Variants in COL2A1 observed in about 807,000 individuals in gnomAD.
The protein encoded by COL2A1 is collagen type II alpha 1 chain.
Under a neutral mutation model 204.5 loss-of-function variants are expected in COL2A1, and 28 were observed. The ratio of observed to expected loss-of-function variants is 0.14; its 90% CI spans 0.10 to 0.19. The LOEUF (loss-of-function observed/expected upper bound fraction) is 0.19. Among genes scored for constraint, COL2A1 ranks in the 10% least tolerant of loss-of-function variants. The pLI, the probability that COL2A1 is intolerant of heterozygous loss-of-function variation, is 1.00. For missense variants in COL2A1, 1,388 were observed against 2,027.5 expected (o/e 0.68, Z 6.06); for synonymous variants, 708 against 718.7 (o/e 0.99, Z 0.24).
Position 47,978,651 on chromosome 12 carries a change from T to G in COL2A1, c.2841A>C (p.Gln947His), listed in dbSNP as rs750729151. ...PPGRAGEPGL[Q>H]GPAGPPGEKG... ...TCTCGCCAGGGGGTCCAGCAGGACC[T>G]TGGAGGCCGGGTTCACCAGCTCGGC... is the stretch of plus-strand genomic sequence containing the variant. The change falls in exon 42 of 54, where the codon CAA becomes CAC. Residue 947 changes from glutamine to histidine, a missense_variant. By Grantham distance (24) the Gln-to-His change is conservative. Coordinates refer to ENST00000380518, the MANE Select transcript of COL2A1 (RefSeq NM_001844.5). This position sits in a 1 kb window ranked among gnomAD's most constrained non-coding sequence, Gnocchi z 5.5. The G allele has an allele frequency of 4.3e-6, 7 of 1,613,312 alleles. No individual in the cohort carries two copies. In the Admixed American group the frequency reaches 1.2e-4, roughly 27 times the overall value.
Position 47,997,968 on chromosome 12 carries a change from C to A in COL2A1, c.376-44G>T. On this transcript the variant is annotated intron_variant, in intron 5 of 53. Transcript: ENST00000380518. ...GTAAGATGACAGCAAGGCCAGGAGC[C>A]TGCAGATCAGTAACTTGCGCGCAGC... is the stretch of plus-strand genomic sequence containing the variant. 6 of 1,614,178 alleles carry A rather than the reference C, an allele frequency of 3.7e-6. No homozygotes were observed. In the South Asian group the frequency reaches 6.6e-5, roughly 18 times the overall value.
At chr12:47,981,939 A>T in intron 35 of COL2A1, 110 bp from the exon 36 acceptor site, 3 of 1,320,268 alleles carry the variant, frequency 2.3e-6, no homozygotes, top group East Asian at 4.7e-5. Flanking sequence ...CAGAGCTCCC[A>T]CTTACCCTCT....
rs1001679478 is a variant in COL2A1 at position 47,973,270 on chromosome 12, C to G, written c.*137G>C. ...CTTAGAAAGAGAGGGGAGAAAAGTC[C>G]GAACTGTGAGAGGGTGGGATGAATG... On this transcript the variant is annotated 3_prime_UTR_variant, in exon 54 of 54. Transcript: ENST00000380518. 2 of 1,161,024 alleles carry G rather than the reference C, an allele frequency of 1.7e-6. No individual in the cohort carries two copies. Among genetic ancestry groups the G allele is most frequent in the Admixed American group, 3.4e-5 (2 of 58,338 alleles). 71.9% of individuals were successfully genotyped at this position (1,161,024 alleles called of 1,614,324 possible).
Position 47,975,363 on chromosome 12 carries a change from A to G in COL2A1, c.3840T>C (p.Ala1280=). 6.2e-7 allele frequency: 1 copy of G among 1,614,144 alleles called. No homozygotes were observed. The highest frequency in any genetic ancestry group is 8.5e-7 in the Non-Finnish European group (1 of 1,180,042). The part of the protein sequence containing the change: ...RSPEGSRKNP[A]RTCRDLKLCH... ...AGAGTTTCAGGTCTCTGCAGGTGCG[A>G]GCAGGGTTCTTGCGGGAGCCCTCGG... The change falls in exon 51 of 54, where the codon GCT becomes GCC. Residue 1280 remains alanine, a synonymous_variant. Transcript: ENST00000380518.
chr12:47,981,444 C>A, intron 36 of COL2A1, 48 bp from the exon 37 acceptor site: 2 of 1,559,726 alleles, frequency 1.3e-6, no homozygotes, highest in Admixed American at 1.8e-5. Flanking sequence ...GGTGGGGAGG[C>A]AGAGTGGGAG....
chr12:47,975,677 G>C (rs1024090633), intron 50 of COL2A1, 72 bp from the exon 51 acceptor site: 2 of 1,513,172 alleles, frequency 1.3e-6, no homozygotes, highest in Non-Finnish European at 1.8e-6. Flanking sequence ...CCATTTGCTA[G>C]AATGTACTAG....
In COL2A1 at chr12:47,982,952, G is replaced by C. The variant is rs1283502420; in HGVS notation, c.2095-6C>G. The stretch of plus-strand genomic sequence containing the variant: ...CCTGGGAAACCTCGTTCACCCTGCG[G>C]CAGAGACACCAAGAAGTGATCAACC... On this transcript the variant is annotated splice_polypyrimidine_tract_variant and splice_region_variant and intron_variant, in intron 32 of 53. Transcript: ENST00000380518. The C allele has an allele frequency of 6.2e-7, 1 of 1,613,574 alleles. No individual in the cohort carries two copies. Among genetic ancestry groups the C allele is most frequent in the Admixed American group, 1.7e-5 (1 of 60,016 alleles).
rs1278035992 is a variant in COL2A1, at chr12:47,983,815, G to T, written c.1942-79C>A. On this transcript the variant is annotated intron_variant, in intron 29 of 53. Transcript: ENST00000380518. ...CCACAGCTAGTAGGGCCCAGGGGAG[G>T]TCAGCAGGGTGGGCAGCACAGGCGT... 3 of 1,456,618 alleles carry T rather than the reference G, an allele frequency of 2.1e-6. No homozygotes were observed. In the African/African-American group the frequency reaches 4.2e-5, roughly 20 times the overall value. The allele number at this position is 1,456,618 out of a possible 1,614,324, so 90.2% of individuals were successfully genotyped here. A position where few individuals can be genotyped will look rare whatever the true frequency, so the allele number is the denominator to read the frequency against.
At chr12:47,993,374 A>G (rs1283287155) in intron 15 of COL2A1, 84 bp downstream of exon 15, 6 of 1,048,798 alleles carry the variant, frequency 5.7e-6, no homozygotes, top group Non-Finnish European at 7.5e-6. Context: ...CAGAATATGA[A>G]CTTTGCACAA....
chr12:47,977,513 G>A, intron 45 of COL2A1, 86 bp from the exon 46 acceptor site: 1 of 1,593,444 alleles, frequency 6.3e-7, no homozygotes, highest in East Asian at 2.2e-5. Flanking sequence ...GATGAGACTT[G>A]TTCCAACCTG....
chr12:48,004,655 G>A (rs1940395262), upstream of COL2A1: 1 of 214,362 alleles, frequency 4.7e-6, no homozygotes, highest in Admixed American at 6.1e-5. Flanking sequence ...CCCCCTCTCT[G>A]GGAGTCACGC....
At position 47,978,382 on chromosome 12, in the gene COL2A1, G is replaced by GGTGGACCTT; in HGVS notation, c.2903_2911dup (p.Pro970_Pro971insGlnGlyPro). On this transcript the variant is annotated inframe_insertion, in exon 43 of 54. Transcript: ENST00000380518. The surrounding 1 kb of genome is among the most constrained non-coding windows in gnomAD (Gnocchi z 5.5). The stretch of plus-strand genomic sequence containing the variant: ...CTGACCAGCCAGACCCTGGGGACCT[G>GGTGGACCTT]GTGGACCTTCGGCACCCTGAGAGAG... 6.2e-7 allele frequency: 1 copy of GGTGGACCTT among 1,614,026 alleles called. No individual in the cohort carries two copies. The highest frequency in any genetic ancestry group is 8.5e-7 in the Non-Finnish European group (1 of 1,180,006).
chr12:47,977,881 G>T, intron 44 of COL2A1, 129 bp downstream of exon 44: 4 of 981,554 alleles, frequency 4.1e-6, no homozygotes, highest in Non-Finnish European at 6.3e-6. Flanking sequence ...AGGCTTTCAG[G>T]CCTGTCGGCC....
At chr12:47,989,684 C>T in intron 17 of COL2A1, 77 bp downstream of exon 17, 1 of 1,294,528 alleles carries the variant, frequency 7.7e-7, no homozygotes, top group South Asian at 1.2e-5. Flanking sequence ...CCCAATACAC[C>T]CTGCAGACTG....
At chr12:47,981,695 G>T in intron 36 of COL2A1, 81 bp downstream of exon 36, 1 of 1,458,330 alleles carries the variant, frequency 6.9e-7, no homozygotes, top group Non-Finnish European at 9.4e-7. Context: ...GGGAGGACAA[G>T]ACAGAACCGC....
At chr12:47,993,344 AT>A (rs1166269807) in intron 15 of COL2A1, 113 bp downstream of exon 15, 96 of 886,936 alleles carry the variant, frequency 1.1e-4, no homozygotes, top group Non-Finnish European at 1.6e-4. Context: ...TTTGCTCACA[AT>A]CAGATGAAAT....
chr12:48,004,595 C>T, upstream of COL2A1: 1 of 343,662 alleles, frequency 2.9e-6, no homozygotes, highest in Non-Finnish European at 5.3e-6. Flanking sequence ...ACCGCCCGCC[C>T]CCGGAGCCCG....
At chr12:47,974,642 T>C in intron 52 of COL2A1, 33 bp downstream of exon 52, 2 of 1,604,440 alleles carry the variant, frequency 1.2e-6, no homozygotes, top group Non-Finnish European at 1.7e-6. Flanking sequence ...AGGAGCCATC[T>C]CTGCTCATCA....
rs1939022038 is a variant in COL2A1 at position 47,980,818 on chromosome 12, A to T, written c.2517+97T>A. 6.9e-7 allele frequency: 1 copy of T among 1,450,382 alleles called. No individual in the cohort carries two copies. The highest frequency in any genetic ancestry group is 1.2e-5 in the South Asian group (1 of 82,098). 89.8% of individuals were successfully genotyped at this position (1,450,382 alleles called of 1,614,324 possible). On this transcript the variant is annotated intron_variant, in intron 38 of 53. Transcript: ENST00000380518. This position sits in a 1 kb window ranked among gnomAD's most constrained non-coding sequence, Gnocchi z 4.5. ...AGGCGGGAAAGGAGAGGAGAGGAGC[A>T]TCCATTTCCCTCCCTGACAAGCTCC...
Sources: allele counts gnomAD v4.1 joint callset, GRCh38; gene constraint gnomAD v4.1.1; non-coding constraint Gnocchi (gnomAD v3.1); transcripts MANE v1.5; gene names NCBI Gene and HGNC (gene_info 2026-07-23, HGNC 2026-07-21).